The following TARS2 variants were observed in gnomAD, a reference collection of about 807,000 sequenced individuals.
The protein encoded by TARS2 is threonyl-tRNA synthetase 2, mitochondrial.
TARS2 carries 61 observed loss-of-function variants against 94.4 expected under a neutral mutation model. The ratio of observed to expected loss-of-function variants is 0.65; its 90% CI spans 0.53 to 0.80. The LOEUF is 0.80. Among genes scored for constraint, TARS2 ranks in the 30% least tolerant of loss-of-function variants. The pLI is 0.00. For missense variants in TARS2, 704 were observed against 902.5 expected, an observed-to-expected ratio of 0.78 and a Z score of 2.82; for synonymous variants, 359 against 353.4, an observed-to-expected ratio of 1.02 and a Z score of -0.18.
chr1:150,492,521 C>T (rs753878517), intron 7 of TARS2, 32 bp downstream of exon 7: 1 of 1,609,614 alleles, frequency 6.2e-7, no homozygotes, highest in Non-Finnish European at 8.5e-7. Flanking sequence ...GGTTAAGATT[C>T]CTATTTTGAG....
chr1:150,493,476 C>G (rs1263692737), intron 7 of TARS2, among the ~76,000 whole-genome samples: 1 of 151,976 alleles, frequency 6.6e-6, no homozygotes, highest in Non-Finnish European at 1.5e-5. Flanking sequence ...AAATACCGTT[C>G]TGCATGGTGG....
intron 1 of TARS2, 119 bp downstream of exon 1, chr1:150,487,635 C>A: frequency 7.2e-7 from 1 of 1,398,346 alleles, no homozygotes; most frequent in South Asian, 1.2e-5. Flanking sequence ...TCCGAGTCCC[C>A]AGAAAAGGAC....
intron 13 of TARS2, among the ~76,000 whole-genome samples, chr1:150,501,759 A>G (rs1419658903): frequency 6.6e-6 from 1 of 152,138 alleles, no homozygotes; most frequent in Non-Finnish European, 1.5e-5. Flanking sequence ...TTGAGGCTGC[A>G]TGAGCTATGA....
chr1:150,503,526 G>GAA (rs749442731), intron 13 of TARS2, among the ~76,000 whole-genome samples: 1 of 132,912 alleles, frequency 7.5e-6, no homozygotes, highest in Non-Finnish European at 1.6e-5. Context: ...CATCCCTACT[G>GAA]AAAAAAAAAA....
chr1:150,504,580 C>T (rs1670110565), intron 14 of TARS2, 52 bp from the exon 15 acceptor site: 1 of 1,594,664 alleles, frequency 6.3e-7, no homozygotes, highest in Non-Finnish European at 8.6e-7. Flanking sequence ...CTTGGGTACA[C>T]AATTCGTGAT....
At position 150,499,459 on chromosome 1, in the gene TARS2, G is replaced by GT. The variant is rs35689005; in HGVS notation, c.1617+168dup. Among the ~76,000 whole-genome samples, 18,096 of 152,004 alleles carry GT rather than the reference G, an allele frequency of 0.12. 1,523 individuals carry two copies. The highest frequency in any genetic ancestry group is 0.23 in the African/African-American group (9,447 of 41,422). ...GCTCACTGCAACCTCCAGCTCCCTGGTTCAAGCAATTCCCCTGCCTCAGCC... is the reference window on the plus strand; with the variant it reads ...GCTCACTGCAACCTCCAGCTCCCTGGTTTCAAGCAATTCCCCTGCCTCAGCC... On this transcript the variant is annotated intron_variant, in intron 13 of 17. Transcript: ENST00000369064.
rs587596529 is a variant in TARS2, at chr1:150,493,519, C to T, written c.774+1030C>T. 2.6e-4 allele frequency among the ~76,000 whole-genome samples: 39 copies of T among 151,938 alleles called. No homozygotes were observed. In the South Asian group the frequency reaches 7.5e-3, roughly 29 times the overall value. ...CTATAATCCCAGCACTTTGGGAAGCCGAGGTGGGTGGACCACCTGAGGTCG... is the reference window on the plus strand; with the variant it reads ...CTATAATCCCAGCACTTTGGGAAGCTGAGGTGGGTGGACCACCTGAGGTCG... On this transcript the variant is annotated intron_variant, in intron 7 of 17. Coordinates refer to ENST00000369064, the MANE Select transcript of TARS2 (RefSeq NM_025150.5).
Position 150,504,655 on chromosome 1 carries a change from C to T in TARS2, c.1742C>T (p.Pro581Leu), listed in dbSNP as rs1177664151. 1.2e-6 allele frequency: 2 copies of T among 1,614,160 alleles called. No homozygotes were observed. The highest frequency in any genetic ancestry group is 1.1e-5 in the South Asian group (1 of 91,082). The change falls in exon 15 of 18, where the codon CCA (proline) becomes CTA (leucine). Residue 581 changes from proline to leucine, a missense_variant. Around this residue, in one of 3 missense-constraint regions of TARS2, gnomAD observed 466 missense variants for 609.5 expected, o/e 0.76. Transcript: ENST00000369064. Reference protein sequence around the residue: ...YKGQAGALERPVLIHRAVLGS... With the variant: ...YKGQAGALERLVLIHRAVLGS... Reference sequence around the variant, plus strand: ...AGGCAGGCGGGTGCCCTGGAGCGTCCAGTCCTCATTCACCGAGCAGTGCTC... The same window carrying T: ...AGGCAGGCGGGTGCCCTGGAGCGTCTAGTCCTCATTCACCGAGCAGTGCTC...
chr1:150,497,661 C>T lies in TARS2; in HGVS notation c.1152C>T (p.Asp384=). ...DMFAVQPPGS[D]RPPSSQSDDS... ...TTGCCGTGCAGCCCCCAGGCTCTGA[C>T]AGGCCTCCCAGCTCCCAGAGTGACG... is the stretch of plus-strand genomic sequence containing the variant. The change falls in exon 10 of 18, where the codon GAC becomes GAT. Residue 384 remains aspartate, a synonymous_variant. Transcript: ENST00000369064. 1 of 1,614,174 alleles carries T rather than the reference C, an allele frequency of 6.2e-7. No individual in the cohort carries two copies. The highest frequency in any genetic ancestry group is 8.5e-7 in the Non-Finnish European group (1 of 1,180,032).
In TARS2 at chr1:150,506,858, G is replaced by T. The variant is rs928222203; in HGVS notation, c.2009-58G>T. 3.7e-6 allele frequency: 6 copies of T among 1,604,822 alleles called. No individual in the cohort carries two copies. In the African/African-American group the frequency reaches 8.0e-5, roughly 21 times the overall value. On this transcript the variant is annotated intron_variant, in intron 17 of 17. Transcript: ENST00000369064. ...TCTCTCAAGTTTCTGCAGAGCAAAA[G>T]AAACTGTTCCATGTGGGTGAATTTG...
At chr1:150,489,806 G>C (rs1669304100) in intron 3 of TARS2, among the ~76,000 whole-genome samples, 1 of 152,142 alleles carries the variant, frequency 6.6e-6, no homozygotes, top group African/African-American at 2.4e-5. Flanking sequence ...GCTGGGCGTG[G>C]TGGTGAGCAC....
chr1:150,502,873 T>C (rs1669987659), intron 13 of TARS2, among the ~76,000 whole-genome samples: 1 of 152,244 alleles, frequency 6.6e-6, no homozygotes, highest in African/African-American at 2.4e-5. Flanking sequence ...TCTTCTGATT[T>C]ATTTCAGCAA....
chr1:150,498,751 C>G (rs1669781983), intron 11 of TARS2, 87 bp downstream of exon 11: 1 of 1,605,790 alleles, frequency 6.2e-7, no homozygotes, highest in Non-Finnish European at 8.5e-7. Context: ...TTTATTTGCC[C>G]CCTGTATGTA....
chr1:150,496,623 G>T lies in TARS2; in HGVS notation c.916G>T (p.Gly306Trp), dbSNP rs1669674324. The T allele has an allele frequency of 6.2e-7, 1 of 1,613,274 alleles. No individual in the cohort carries two copies. The highest frequency in any genetic ancestry group is 1.1e-5 in the South Asian group (1 of 90,988). ...EAELRDHRRI[G>W]KEQELFFFHE... ...AGAATTGCGGGACCACCGGCGCATT[G>T]GGAAGGTACAGGAATTGGGAAGATA... Residue 306 changes from glycine (G) to tryptophan (W), a missense_variant, in exon 8 of 18, where the codon GGG becomes TGG. Coordinates refer to ENST00000369064, the MANE Select transcript of TARS2 (RefSeq NM_025150.5).
Position 150,498,608 on chromosome 1 carries a change from AC to A in TARS2, c.1348del (p.Arg450AspfsTer70). ...AGCCTCTGGTGGTCTGGGGGGACTG[AC>A]CCGACTGCGGTGCTTCCAGCAGGAT... ...AEASGGLGGL[T>X]RLRCFQQDDA... On this transcript the variant is annotated frameshift_variant, in exon 11 of 18. Coordinates refer to ENST00000369064, the MANE Select transcript of TARS2 (RefSeq NM_025150.5). LOFTEE classifies it high-confidence loss of function. The A allele has an allele frequency of 6.2e-7, 1 of 1,612,432 alleles. No homozygotes were observed. Among genetic ancestry groups the A allele is most frequent in the South Asian group, 1.1e-5 (1 of 90,878 alleles).
In TARS2 at chr1:150,490,592, TGAACCCAGG is replaced by T; in HGVS notation, c.388-8_388del. 1.9e-6 allele frequency: 3 copies of T among 1,610,432 alleles called. No individual in the cohort carries two copies. Among genetic ancestry groups the T allele is most frequent in the Admixed American group, 1.7e-5 (1 of 58,598 alleles). ...TATGAACTTGTGAACCCCTTTTTTGTGAACCCAGGTGTTCTGGCACTCCAGCACCCATGT... is the reference window on the plus strand; with the variant it reads ...TATGAACTTGTGAACCCCTTTTTTGTTGTTCTGGCACTCCAGCACCCATGT... On this transcript the variant is annotated splice_acceptor_variant and splice_polypyrimidine_tract_variant and coding_sequence_variant and intron_variant, in exon 4 of 18. Coordinates refer to ENST00000369064, the MANE Select transcript of TARS2 (RefSeq NM_025150.5). LOFTEE classifies it high-confidence loss of function.
At chr1:150,489,126 A>G (rs745485748) in intron 3 of TARS2, 39 bp downstream of exon 3, 1 of 1,613,310 alleles carries the variant, frequency 6.2e-7, no homozygotes, top group Admixed American at 1.7e-5. Context: ...TGACTACTAA[A>G]CCAAGAGATA....
intron 3 of TARS2, 136 bp downstream of exon 3, chr1:150,489,223 A>G: frequency 1.5e-6 from 2 of 1,327,466 alleles, no homozygotes; most frequent in Non-Finnish European, 2.1e-6. Context: ...GACTGTCTTG[A>G]CTATTTCTGG....
Position 150,499,045 on chromosome 1 carries a change from G to C in TARS2, c.1539+11G>C, listed in dbSNP as rs1669795629. 3 of 1,614,142 alleles carry C rather than the reference G, an allele frequency of 1.9e-6. No homozygotes were observed. In the East Asian group the frequency reaches 6.7e-5, roughly 36 times the overall value. ...GACCAGGCCGAACAGGTGAGTAGGA[G>C]GTAGAGAAATAGAGGCAGATAAACC... On this transcript the variant is annotated intron_variant, in intron 12 of 17. Transcript: ENST00000369064.
Sources: allele counts gnomAD v4.1 joint callset (sites outside exome capture counted in the v4.1 genomes callset), GRCh38; gene constraint gnomAD v4.1.1; regional missense constraint gnomAD v4.1.1; transcripts MANE v1.5; gene names NCBI Gene and HGNC (gene_info 2026-07-23, HGNC 2026-07-21).